Variants in ZSCAN32 observed in about 807,000 individuals in gnomAD.
The protein encoded by ZSCAN32 is zinc finger and SCAN domain-containing protein 32.
Under a neutral mutation model 47.4 loss-of-function variants are expected in ZSCAN32, and 52 were observed. The ratio of observed to expected loss-of-function variants is 1.10; its 90% confidence interval spans 0.88 to 1.38. ZSCAN32 has a LOEUF of 1.38. Ranked by LOEUF, ZSCAN32 falls within the 40% of genes most tolerant of loss-of-function variation. The pLI, the probability that ZSCAN32 is intolerant of heterozygous loss-of-function variation, is 0.00. For missense variants in ZSCAN32, 959 were observed against 846.0 expected (o/e 1.13, Z -1.66); for synonymous variants, 346 against 305.7 (o/e 1.13, Z -1.38).
chr16:3,383,762 C>T, intron 6 of ZSCAN32, 51 bp from the exon 7 acceptor site: 1 of 1,510,856 alleles, frequency 6.6e-7, no homozygotes, highest in Non-Finnish European at 8.8e-7. Context: ...AGAAGGAAAA[C>T]AATGGAATGC....
intron 5 of ZSCAN32, 91 bp downstream of exon 5, chr16:3,389,919 C>T (rs1002079428): frequency 2.1e-5 from 28 of 1,329,994 alleles, no homozygotes; most frequent in South Asian, 2.0e-4. Context: ...AGTCTCCCCA[C>T]TCCCTCTGTC....
Position 3,382,750 on chromosome 16 carries a change from TA to T in ZSCAN32, c.*101del. On this transcript the variant is annotated 3_prime_UTR_variant, in exon 7 of 7. Coordinates refer to ENST00000396852, the MANE Select transcript of ZSCAN32 (RefSeq NM_001284527.2). ...ATGGGTCTTAAGATCCAGTAGTCAG[TA>T]GGTCTGTTGCAAAGTCAGGGACTGG... is the stretch of plus-strand genomic sequence containing the variant. 6.7e-7 allele frequency: 1 copy of T among 1,491,994 alleles called. No homozygotes were observed. The highest frequency in any genetic ancestry group is 8.9e-7 in the Non-Finnish European group (1 of 1,120,474). The allele number at this position is 1,491,994 out of a possible 1,614,324, so 92.4% of individuals were successfully genotyped here.
At chr16:3,387,811 A>G (rs1359257561) in intron 5 of ZSCAN32, among the ~76,000 whole-genome samples, 2 of 152,244 alleles carry the variant, frequency 1.3e-5, no homozygotes, top group Non-Finnish European at 2.9e-5. Context: ...AGAAATATAA[A>G]TATTACATGA....
At chr16:3,393,875 C>A in intron 2 of ZSCAN32, 61 bp from the exon 3 acceptor site, 1 of 1,376,484 alleles carries the variant, frequency 7.3e-7, no homozygotes. Flanking sequence ...CTTTACAACT[C>A]CTAAGAGTGG....
chr16:3,392,684 G>C (rs568178420), intron 3 of ZSCAN32, among the ~76,000 whole-genome samples: 1 of 151,956 alleles, frequency 6.6e-6, no homozygotes, highest in African/African-American at 2.4e-5. Context: ...AAAATTAGCC[G>C]GGCATGGTGG....
chr16:3,392,821 G>T (rs141009399), intron 3 of ZSCAN32, among the ~76,000 whole-genome samples: 2 of 151,484 alleles, frequency 1.3e-5, no homozygotes, highest in African/African-American at 2.4e-5. Context: ...GCAAGACTCC[G>T]TCTCAAAAAA....
rs779345196 is a variant in ZSCAN32 at position 3,397,719 on chromosome 16, A to T, written c.-162T>A. ...ACATGTGTAGAGACTCACAGCGGAAAAAAAGGGCTCAACTTTGAAGGATGT... is the reference window on the plus strand; with the variant it reads ...ACATGTGTAGAGACTCACAGCGGAATAAAAGGGCTCAACTTTGAAGGATGT... On this transcript the variant is annotated 5_prime_UTR_variant, in exon 2 of 7. Coordinates refer to ENST00000396852, the MANE Select transcript of ZSCAN32 (RefSeq NM_001284527.2). 1.1e-6 allele frequency: 1 copy of T among 890,630 alleles called. No homozygotes were observed. 55.2% of individuals were successfully genotyped at this position (890,630 alleles called of 1,614,324 possible).
In ZSCAN32 at chr16:3,390,016, A is replaced by C. The variant is rs2032482481; in HGVS notation, c.745T>G (p.Ser249Ala). 1.2e-6 allele frequency: 2 copies of C among 1,612,068 alleles called. No individual in the cohort carries two copies. Among genetic ancestry groups the C allele is most frequent in the Admixed American group, 3.3e-5 (2 of 59,764 alleles). Residue 249 changes from serine (S) to alanine (A), a missense_variant, in exon 5 of 7, where the codon TCG (serine) becomes GCG (alanine). By Grantham distance (99) the Ser-to-Ala change is moderately conservative (BLOSUM62 1). Coordinates refer to ENST00000396852, the MANE Select transcript of ZSCAN32 (RefSeq NM_001284527.2). ...GATQRKDSHV[S>A]LATGVPWGYE... ...AGGGAAGATGGATCCTTACCCAGCG[A>C]GACGTGACTGTCCTTCCTCTGGGTG...
intron 2 of ZSCAN32, 110 bp from the exon 3 acceptor site, chr16:3,393,924 A>C: frequency 1.1e-6 from 1 of 944,024 alleles, no homozygotes; most frequent in Non-Finnish European, 1.5e-6. Flanking sequence ...AGAAGAGAAA[A>C]ATCTAGGAGC....
chr16:3,386,997 T>C (rs1346620466), intron 5 of ZSCAN32, among the ~76,000 whole-genome samples: 1 of 151,894 alleles, frequency 6.6e-6, no homozygotes, highest in Admixed American at 6.6e-5. Context: ...CAACTGGCTA[T>C]TGTTATTTCT....
rs2033493199 is a variant in ZSCAN32, at chr16:3,397,528, T to G, written c.30A>C (p.Ala10=). Residue 10 remains alanine, a synonymous_variant, in exon 2 of 7, where the codon GCA becomes GCC. Transcript: ENST00000396852. MMAAVKSTE[A]HPSSNKDPTQ... ...TGGGATCCTTGTTTGAGGATGGGTG[T>G]GCCTCGGTACTCTTCACTGCAGCCA... 1.9e-6 allele frequency: 3 copies of G among 1,549,074 alleles called. No individual in the cohort carries two copies. Among genetic ancestry groups the G allele is most frequent in the Non-Finnish European group, 2.6e-6 (3 of 1,146,038 alleles).
chr16:3,393,889 T>A, intron 2 of ZSCAN32, 75 bp from the exon 3 acceptor site: 1 of 1,298,114 alleles, frequency 7.7e-7, no homozygotes, highest in Non-Finnish European at 1.0e-6. Context: ...AGAGTGGCAT[T>A]AAAAAATGTG....
At chr16:3,396,072 A>G (rs2033343757) in intron 2 of ZSCAN32, among the ~76,000 whole-genome samples, 1 of 152,194 alleles carries the variant, frequency 6.6e-6, no homozygotes. Context: ...ACCATCAAAC[A>G]GAGTGATGGA....
In ZSCAN32 at chr16:3,393,837, A is replaced by G. The variant is rs1184701111; in HGVS notation, c.367-23T>C. 6 of 1,520,264 alleles carry G rather than the reference A, an allele frequency of 3.9e-6. No homozygotes were observed. In the South Asian group the frequency reaches 4.9e-5, roughly 13 times the overall value. 94.2% of individuals were successfully genotyped at this position (1,520,264 alleles called of 1,614,324 possible). A position where few individuals can be genotyped will look rare whatever the true frequency, so the allele number is the denominator to read the frequency against. On this transcript the variant is annotated intron_variant, in intron 2 of 6. Transcript: ENST00000396852. ...AACCTGAGAACAGACCCCATTATCT[A>G]TCACTACAAATTCCTGCCTAAGCTG...
chr16:3,386,197 T>C (rs2031967414), intron 5 of ZSCAN32, among the ~76,000 whole-genome samples: 1 of 152,162 alleles, frequency 6.6e-6, no homozygotes, highest in Non-Finnish European at 1.5e-5. Flanking sequence ...AAAATGCTCA[T>C]CATCACTGGC....
chr16:3,391,400 G>A (rs1054722968), intron 3 of ZSCAN32, among the ~76,000 whole-genome samples: 5 of 152,152 alleles, frequency 3.3e-5, no homozygotes, highest in African/African-American at 7.2e-5. Context: ...AAAATCAGCC[G>A]GGCGCGGTGG....
At chr16:3,397,834 C>CGG in intron 1 of ZSCAN32, 90 bp from the exon 2 acceptor site, 32 of 279,466 alleles carry the variant, frequency 1.1e-4, no homozygotes, top group South Asian at 5.7e-4. Flanking sequence ...TTCCTTTACT[C>CGG]CCTCCACAAA....
At chr16:3,397,802 T>A (rs1234563090) in intron 1 of ZSCAN32, 58 bp from the exon 2 acceptor site, 1 of 421,956 alleles carries the variant, frequency 2.4e-6, no homozygotes. Flanking sequence ...ACTCTGGTTC[T>A]TGTGATTTAC....
rs759175542 is a variant in ZSCAN32, at chr16:3,383,315, G to A, written c.1631C>T (p.Thr544Ile). ...ACTGCACTTGTGAGGCTTCTCGCCT[G>A]TGTGGATTCTTTGATGCCGAACAAG... ...SYLVRHQRIHTGEKPHKCSEC... is the reference protein window; with the variant it reads ...SYLVRHQRIHIGEKPHKCSEC... The change falls in exon 7 of 7, where the codon ACA becomes ATA. Residue 544 changes from threonine to isoleucine, a missense_variant. Coordinates refer to ENST00000396852, the MANE Select transcript of ZSCAN32 (RefSeq NM_001284527.2). 7.4e-6 allele frequency: 12 copies of A among 1,614,220 alleles called. No individual in the cohort carries two copies. Among genetic ancestry groups the A allele is most frequent in the East Asian group, 2.2e-5 (1 of 44,888 alleles).
Sources: allele counts gnomAD v4.1 joint callset (sites outside exome capture counted in the v4.1 genomes callset), GRCh38; gene constraint gnomAD v4.1.1; transcripts MANE v1.5; gene names NCBI Gene and HGNC (gene_info 2026-07-23, HGNC 2026-07-21).